STPG4: variants seen among roughly 807,000 people sequenced by gnomAD.
STPG4 encodes protein STPG4.
In STPG4, 41 loss-of-function variants were observed where a neutral mutation model predicts 31.5. The ratio of observed to expected loss-of-function variants is 1.30; its 90% CI spans 1.01 to 1.69. The LOEUF is 1.69. Among genes scored for constraint, STPG4 ranks in the 40% most tolerant of loss-of-function variants. STPG4 has a pLI of 0.00. For synonymous variants in STPG4, 141 were observed against 103.0 expected, an observed-to-expected ratio of 1.37 and a Z score of -2.24; for missense variants, 375 against 293.4, an observed-to-expected ratio of 1.28 and a Z score of -2.03.
intron 3 of STPG4, among the ~76,000 whole-genome samples, chr2:47,147,291 C>T (rs1447283179): frequency 1.3e-5 from 2 of 152,104 alleles, no homozygotes; most frequent in African/African-American, 4.8e-5. Context: ...GAGAGACGTA[C>T]CCAGGGTTGT....
intron 5 of STPG4, among the ~76,000 whole-genome samples, chr2:47,111,413 G>A (rs536022296): frequency 6.6e-6 from 1 of 152,230 alleles, no homozygotes; most frequent in African/African-American, 2.4e-5. Context: ...GGTGGATCAA[G>A]AGACTTATTT....
At chr2:47,129,566 C>T (rs925568051) in intron 5 of STPG4, 36 of 205,766 alleles carry the variant, frequency 1.7e-4, no homozygotes, top group African/African-American at 7.5e-4. Flanking sequence ...ACAGGCAGCA[C>T]GGTGTTCCCG....
chr2:47,087,179 CCCTGAGGCT>C, intron 6 of STPG4, 49 bp from the exon 7 acceptor site: 1 of 1,545,200 alleles, frequency 6.5e-7, no homozygotes, highest in Non-Finnish European at 8.7e-7. Context: ...GAAACCAAAA[CCCTGAGGCT>C]CCTGTGCCTA....
intron 5 of STPG4, among the ~76,000 whole-genome samples, chr2:47,099,192 A>C (rs999682157): frequency 1.3e-5 from 2 of 151,640 alleles, no homozygotes; most frequent in Admixed American, 1.3e-4. Flanking sequence ...CAGGTAATTC[A>C]GACTGGCTGT....
At chr2:47,107,217 G>A (rs529446020) in intron 5 of STPG4, among the ~76,000 whole-genome samples, 52 of 152,172 alleles carry the variant, frequency 3.4e-4, no homozygotes, top group African/African-American at 1.1e-3. Context: ...TGCACTGTGG[G>A]AGCCCCTTTC....
At chr2:47,141,133 C>T (rs955711836) in intron 3 of STPG4, among the ~76,000 whole-genome samples, 12 of 151,866 alleles carry the variant, frequency 7.9e-5, no homozygotes, top group African/African-American at 2.9e-4. Context: ...GTGATCTGCC[C>T]CCCTCGGCCT....
intron 5 of STPG4, 149 bp from the exon 6 acceptor site, chr2:47,090,523 A>G: frequency 1.6e-6 from 1 of 606,158 alleles, no homozygotes; most frequent in South Asian, 2.0e-5. Flanking sequence ...TTAAGGTGTG[A>G]GCTGGGACAA....
rs1685469957 is a variant in STPG4, at chr2:47,087,065, G to C, written c.690C>G (p.Ala230=). The C allele has an allele frequency of 4.5e-6, 7 of 1,551,750 alleles. No homozygotes were observed. Among genetic ancestry groups the C allele is most frequent in the Non-Finnish European group, 5.2e-6 (6 of 1,146,994 alleles). The change falls in exon 7 of 7, where the codon GCC becomes GCG. Residue 230 remains alanine (A), a synonymous_variant. Coordinates refer to ENST00000445927, the MANE Select transcript of STPG4 (RefSeq NM_001163561.2). The part of the protein sequence containing the change: ...RQFPKQSPTI[A]KMGQEHSLFF... ...AAAGGCTATGCTCTTGGCCCATTTT[G>C]GCTATGGTCGGAGACTGCTTAGGGA...
intron 4 of STPG4, 53 bp from the exon 5 acceptor site, chr2:47,130,048 ATC>A: frequency 6.7e-7 from 1 of 1,486,216 alleles, no homozygotes; most frequent in Non-Finnish European, 9.3e-7. Context: ...TTTTTTAAAG[ATC>A]TTTGTTAACT....
intron 5 of STPG4, among the ~76,000 whole-genome samples, chr2:47,115,620 T>A (rs895381329): frequency 6.6e-6 from 1 of 151,892 alleles, no homozygotes; most frequent in African/African-American, 2.4e-5. Context: ...TCCTTCTGTC[T>A]GTTTATCTCC....
chr2:47,116,701 G>A (rs1686160263), intron 5 of STPG4, among the ~76,000 whole-genome samples: 1 of 152,084 alleles, frequency 6.6e-6, no homozygotes, highest in Non-Finnish European at 1.5e-5. Context: ...GCGGAGAAGG[G>A]GAGAGAATCT....
intron 5 of STPG4, among the ~76,000 whole-genome samples, chr2:47,121,448 A>G (rs1686270735): frequency 6.6e-6 from 1 of 152,158 alleles, no homozygotes; most frequent in Non-Finnish European, 1.5e-5. Flanking sequence ...GAAGCTGATG[A>G]GTCGTTTTGA....
At chr2:47,099,327 C>T (rs903344363) in intron 5 of STPG4, among the ~76,000 whole-genome samples, 3 of 152,234 alleles carry the variant, frequency 2.0e-5, no homozygotes, top group African/African-American at 4.8e-5. Flanking sequence ...CTGCCCTGAA[C>T]CCTCTCCTCC....
chr2:47,153,056 T>C (rs1242040685), intron 1 of STPG4, 40 bp from the exon 2 acceptor site: 1 of 1,491,012 alleles, frequency 6.7e-7, no homozygotes, highest in South Asian at 1.2e-5. Context: ...ATTTGAGAGG[T>C]GATCCCTTGA....
intron 5 of STPG4, among the ~76,000 whole-genome samples, chr2:47,097,936 G>A (rs1463676895): frequency 6.8e-6 from 1 of 147,278 alleles, no homozygotes; most frequent in Non-Finnish European, 1.5e-5. Flanking sequence ...TGACCAACAT[G>A]GTGAAACCCC....
chr2:47,091,086 G>C (rs1438872593), intron 5 of STPG4, among the ~76,000 whole-genome samples: 2 of 139,154 alleles, frequency 1.4e-5, no homozygotes, highest in Non-Finnish European at 3.1e-5. Flanking sequence ...ATTAAAACAG[G>C]TTAAGAAAGA....
intron 5 of STPG4, among the ~76,000 whole-genome samples, chr2:47,091,623 G>A (rs951230369): frequency 2.0e-5 from 3 of 152,206 alleles, no homozygotes; most frequent in Non-Finnish European, 4.4e-5. Context: ...GGAGTTAGGG[G>A]AAGTGGGTGG....
intron 5 of STPG4, among the ~76,000 whole-genome samples, chr2:47,098,521 T>G (rs1274487563): frequency 6.6e-6 from 1 of 152,118 alleles, no homozygotes. Context: ...TTTAAAATCG[T>G]AAAGCTAAAG....
At chr2:47,138,301 T>C (rs1472818258) in intron 3 of STPG4, among the ~76,000 whole-genome samples, 1 of 152,210 alleles carries the variant, frequency 6.6e-6, no homozygotes, top group Non-Finnish European at 1.5e-5. Context: ...CTAGTTATCT[T>C]TGTGTTATTG....
Sources: allele counts gnomAD v4.1 joint callset (sites outside exome capture counted in the v4.1 genomes callset), GRCh38; gene constraint gnomAD v4.1.1; transcripts MANE v1.5; gene names NCBI Gene and HGNC (gene_info 2026-07-23, HGNC 2026-07-21).